LDLRAD4: variants seen among roughly 807,000 people sequenced by gnomAD.
The protein encoded by LDLRAD4 is low-density lipoprotein receptor class A domain-containing protein 4.
LDLRAD4 carries 5 observed loss-of-function variants against 17.0 expected under a neutral mutation model. The observed-to-expected ratio is 0.29, with a 90% CI of 0.15 to 0.62. The LOEUF is 0.62. LDLRAD4 is among the 20% of genes least tolerant of loss of function. The probability of loss-of-function intolerance (pLI) is 0.84; values close to 1 mark genes in which losing one functional copy is unlikely to be tolerated. For synonymous variants in LDLRAD4, 168 were observed against 171.8 expected, an observed-to-expected ratio of 0.98 and a Z score of 0.17; for missense variants, 340 against 424.7, an observed-to-expected ratio of 0.80 and a Z score of 1.75.
intron 2 of LDLRAD4, among the ~76,000 whole-genome samples, chr18:13,410,412 G>C (rs774014238): frequency 3.9e-5 from 6 of 152,240 alleles, no homozygotes; most frequent in Non-Finnish European, 5.9e-5. Flanking sequence ...AAACACTGGA[G>C]AAGGTGGGTT....
At chr18:13,425,779 C>T (rs2089883118) in intron 2 of LDLRAD4, among the ~76,000 whole-genome samples, 1 of 152,204 alleles carries the variant, frequency 6.6e-6, no homozygotes, top group African/African-American at 2.4e-5. Flanking sequence ...GGCTCTGACA[C>T]CATCCTGCTC....
chr18:13,645,054 T>G lies in LDLRAD4; in HGVS notation c.391-73T>G. The G allele has an allele frequency of 7.8e-7, 1 of 1,288,926 alleles. No homozygotes were observed. The highest frequency in any genetic ancestry group is 1.4e-5 in the South Asian group (1 of 71,916). 79.8% of individuals were successfully genotyped at this position (1,288,926 alleles called of 1,614,324 possible). On this transcript the variant is annotated intron_variant, in intron 5 of 5. Transcript: ENST00000359446. This position sits in a 1 kb window ranked among gnomAD's most constrained non-coding sequence, Gnocchi z 5.7. ...TAGGAACACACACCAAGCGTAACTTTCCTTGATTCTGACACATTTATGGTC... is the reference window on the plus strand; with the variant it reads ...TAGGAACACACACCAAGCGTAACTTGCCTTGATTCTGACACATTTATGGTC...
chr18:13,263,654 G>A (rs1372006034), intron 1 of LDLRAD4, among the ~76,000 whole-genome samples: 3 of 152,200 alleles, frequency 2.0e-5, no homozygotes, highest in Non-Finnish European at 1.5e-5. Flanking sequence ...TTTCTCCATC[G>A]ATAAAAGGAA....
At chr18:13,542,108 T>A (rs376803447) in intron 3 of LDLRAD4, among the ~76,000 whole-genome samples, 9 of 152,206 alleles carry the variant, frequency 5.9e-5, no homozygotes, top group African/African-American at 2.2e-4. Flanking sequence ...TCTACTCAAG[T>A]TCTACTTATA....
At chr18:13,257,202 G>A (rs191043170) in intron 1 of LDLRAD4, among the ~76,000 whole-genome samples, 3 of 152,354 alleles carry the variant, frequency 2.0e-5, no homozygotes, top group African/African-American at 7.2e-5. Context: ...TGTGCCGTGG[G>A]TCTGGTTTTT....
intron 3 of LDLRAD4, among the ~76,000 whole-genome samples, chr18:13,453,474 T>C (rs1568178937): frequency 6.6e-6 from 1 of 152,054 alleles, no homozygotes; most frequent in Non-Finnish European, 1.5e-5. Flanking sequence ...TCAAGCCTGG[T>C]TTTTCGCAGC....
At chr18:13,522,517 A>C (rs1210594813) in intron 3 of LDLRAD4, 1 of 151,896 alleles carries the variant, frequency 6.6e-6, no homozygotes, top group African/African-American at 2.4e-5. Context: ...TGTTTGTTTA[A>C]ACTGCAAATG....
chr18:13,294,898 C>G (rs1323676060), intron 1 of LDLRAD4, among the ~76,000 whole-genome samples: 1 of 151,564 alleles, frequency 6.6e-6, no homozygotes, highest in Non-Finnish European at 1.5e-5. Context: ...TCTTGCTGGA[C>G]AGGAACATGA....
At chr18:13,525,151 G>A (rs542800529) in intron 3 of LDLRAD4, among the ~76,000 whole-genome samples, 1 of 152,186 alleles carries the variant, frequency 6.6e-6, no homozygotes, top group Non-Finnish European at 1.5e-5. Context: ...TGGGAGTGGC[G>A]TGGGAGCTGG....
rs919686401 is a variant in LDLRAD4 at position 13,536,662 on chromosome 18, A to G, written c.182-84455A>G. 1.1e-4 allele frequency among the ~76,000 whole-genome samples: 16 copies of G among 152,082 alleles called. 1 individual carries two copies. The highest frequency in any genetic ancestry group is 9.2e-4 in the Admixed American group (14 of 15,274). ...CAGAACCTTCAGTACAAACTTGAAT[A>G]AAAGCATTTAAAAAAATAGGACATG... On this transcript the variant is annotated intron_variant, in intron 3 of 5. Transcript: ENST00000359446.
intron 3 of LDLRAD4, among the ~76,000 whole-genome samples, chr18:13,473,382 A>C (rs966650151): frequency 1.3e-5 from 2 of 152,058 alleles, no homozygotes; most frequent in East Asian, 1.9e-4. Context: ...TCAAAAACCT[A>C]GTGGGGGCTG....
At chr18:13,628,661 C>A (rs370344697) in intron 4 of LDLRAD4, among the ~76,000 whole-genome samples, 1 of 152,230 alleles carries the variant, frequency 6.6e-6, no homozygotes, top group South Asian at 2.1e-4. Context: ...CCAAGCGGCC[C>A]GGCAGAAACT....
At chr18:13,294,861 T>G (rs2046183584) in intron 1 of LDLRAD4, among the ~76,000 whole-genome samples, 1 of 152,160 alleles carries the variant, frequency 6.6e-6, no homozygotes, top group South Asian at 2.1e-4. Context: ...AGCTTGTTTT[T>G]TATGTGGAGT....
chr18:13,295,196 C>T (rs541130260), intron 1 of LDLRAD4, among the ~76,000 whole-genome samples: 16 of 152,230 alleles, frequency 1.1e-4, no homozygotes, highest in African/African-American at 3.9e-4. Context: ...AAGATACTTT[C>T]TGTCTTGCTT....
chr18:13,436,236 G>A (rs938219914), intron 2 of LDLRAD4, among the ~76,000 whole-genome samples: 4 of 152,196 alleles, frequency 2.6e-5, no homozygotes, highest in Admixed American at 6.5e-5. Flanking sequence ...ATTCACTTCC[G>A]AGTTTCCATG....
intron 1 of LDLRAD4, among the ~76,000 whole-genome samples, chr18:13,368,159 G>A (rs1046566603): frequency 4.6e-5 from 7 of 152,164 alleles, no homozygotes; most frequent in Non-Finnish European, 8.8e-5. Context: ...GGAGCCCAGG[G>A]GATGCTTCCT....
At chr18:13,452,826 C>A (rs1380924581) in intron 3 of LDLRAD4, among the ~76,000 whole-genome samples, 1 of 151,576 alleles carries the variant, frequency 6.6e-6, no homozygotes, top group Non-Finnish European at 1.5e-5. Context: ...CTCATCGGAC[C>A]CCTCCTTAGG....
At chr18:13,568,058 T>TG (rs1425803220) in intron 3 of LDLRAD4, among the ~76,000 whole-genome samples, 128 of 114,660 alleles carry the variant, frequency 1.1e-3, no homozygotes, top group African/African-American at 3.8e-3. Flanking sequence ...GCCGAGGAGG[T>TG]GGGGGGTGGG....
At chr18:13,425,704 C>T (rs749897293) in intron 2 of LDLRAD4, among the ~76,000 whole-genome samples, 5 of 152,192 alleles carry the variant, frequency 3.3e-5, no homozygotes, top group Non-Finnish European at 7.3e-5. Flanking sequence ...GTGAGTTTTC[C>T]GTGCTGGGGT....
Sources: allele counts gnomAD v4.1 joint callset (sites outside exome capture counted in the v4.1 genomes callset), GRCh38; gene constraint gnomAD v4.1.1; non-coding constraint Gnocchi (gnomAD v3.1); transcripts MANE v1.5; gene names NCBI Gene and HGNC (gene_info 2026-07-23, HGNC 2026-07-21).